MPG: variants seen among roughly 807,000 people sequenced by gnomAD.
MPG encodes N-methylpurine DNA glycosylase.
A neutral mutation model predicts 31.7 loss-of-function variants in MPG; 33 were observed. That is an observed-to-expected ratio of 1.04 (90% CI 0.79 to 1.39). The LOEUF is 1.39. Among genes scored for constraint, MPG ranks in the 40% most tolerant of loss-of-function variants. The probability of loss-of-function intolerance (pLI) is 0.00; values close to 1 mark genes in which losing one functional copy is unlikely to be tolerated. For missense variants in MPG, 455 were observed against 415.5 expected (o/e 1.10, Z -0.83); for synonymous variants, 202 against 169.2 (o/e 1.19, Z -1.51).
intron 1 of MPG, chr16:79,089 G>A: frequency 6.9e-7 from 1 of 1,444,440 alleles, no homozygotes; most frequent in South Asian, 1.5e-5. Flanking sequence ...GTGGGAATCG[G>A]AGGGCACCAG....
At chr16:81,383 C>T (rs374814899) in intron 2 of MPG, among the ~76,000 whole-genome samples, 4 of 152,188 alleles carry the variant, frequency 2.6e-5, no homozygotes, top group Non-Finnish European at 2.9e-5. Flanking sequence ...TGGGCCCCCC[C>T]AGTGTGCCCC....
At position 81,855 on chromosome 16, in the gene MPG, G is replaced by A. The variant is rs868207523; in HGVS notation, c.301-1197G>A. Among the ~76,000 whole-genome samples the A allele has an allele frequency of 1.3e-3, 50 of 39,036 alleles. 1 individual carries two copies. The highest frequency in any genetic ancestry group is 2.7e-3 in the African/African-American group (37 of 13,804). The allele number at this position is 39,036 out of a possible 152,430, so 25.6% of individuals were successfully genotyped here. A position where few individuals can be genotyped will look rare whatever the true frequency, so the allele number is the denominator to read the frequency against. ...CGGGAAGGCCTCCTGAATGCTCCCGGCGCTGACCCCTTCTTCCCACCACCC... is the reference window on the plus strand; with the variant it reads ...CGGGAAGGCCTCCTGAATGCTCCCGACGCTGACCCCTTCTTCCCACCACCC... On this transcript the variant is annotated intron_variant, in intron 2 of 3. Coordinates refer to ENST00000356432, the MANE Select transcript of MPG (RefSeq NM_001015052.3).
At chr16:84,774 AG>A (rs1461212915) in intron 3 of MPG, among the ~76,000 whole-genome samples, 3 of 152,176 alleles carry the variant, frequency 2.0e-5, no homozygotes, top group African/African-American at 7.2e-5. Context: ...CTGCCTGTGC[AG>A]GGTGTTGCAG....
intron 2 of MPG, among the ~76,000 whole-genome samples, chr16:81,594 C>A (rs1898237619): frequency 6.6e-6 from 1 of 150,580 alleles, no homozygotes; most frequent in Admixed American, 6.6e-5. Flanking sequence ...TTCCCACCAC[C>A]CTATCTCCAG....
At chr16:80,261 G>A (rs1025934630) in intron 2 of MPG, among the ~76,000 whole-genome samples, 5 of 152,224 alleles carry the variant, frequency 3.3e-5, no homozygotes, top group Admixed American at 6.5e-5. Context: ...GGATCTGTTG[G>A]GAGCGAGGTG....
chr16:78,110 A>C, upstream of MPG: 8 of 332,948 alleles, frequency 2.4e-5, no homozygotes, highest in Non-Finnish European at 3.2e-5. Context: ...GGCGCTGGGA[A>C]GAGGATCCAC....
intron 2 of MPG, among the ~76,000 whole-genome samples, chr16:82,250 C>CCCCACACTGA (rs1478071925): frequency 1.3e-5 from 2 of 152,022 alleles, no homozygotes; most frequent in Non-Finnish European, 1.5e-5. Context: ...CCTGAATGCT[C>CCCCACACTGA]CCCCGGCGAG....
chr16:85,364 C>G, intron 3 of MPG, 37 bp from the exon 4 acceptor site: 1 of 1,561,580 alleles, frequency 6.4e-7, no homozygotes, highest in Non-Finnish European at 8.7e-7. Flanking sequence ...GGACAGGAGC[C>G]TAGGGAGGCT....
At chr16:79,007 C>G in intron 1 of MPG, 2 of 1,401,902 alleles carry the variant, frequency 1.4e-6, no homozygotes, top group Non-Finnish European at 1.9e-6. Flanking sequence ...GTTTTGAATT[C>G]TGGCAAGGGT....
upstream of MPG, chr16:77,988 G>A (rs547276035): frequency 4.3e-5 from 10 of 234,398 alleles, no homozygotes; most frequent in Non-Finnish European, 8.3e-5. Flanking sequence ...CAGCTCATTG[G>A]GAGGGGCGCC....
chr16:79,078 A>T, intron 1 of MPG: 1 of 1,439,108 alleles, frequency 6.9e-7, no homozygotes, highest in East Asian at 2.5e-5. Context: ...CTGCATGATG[A>T]GTGGGAATCG....
At position 78,421 on chromosome 16, in the gene MPG, G is replaced by A. The variant is rs1898150260; in HGVS notation, c.24+88G>A. ...CGCGGCCGCGGGAGCGGGAGTGCCG[G>A]GGACGGGCGTAGCGCCCACCGCCCC... On this transcript the variant is annotated intron_variant, in intron 1 of 3. Transcript: ENST00000356432. The A allele has an allele frequency of 3.7e-6, 4 of 1,084,684 alleles. No homozygotes were observed. The South Asian group carries it at 1.3e-4, about 37-fold the overall frequency. The allele number at this position is 1,084,684 out of a possible 1,614,324, so 67.2% of individuals were successfully genotyped here. A position where few individuals can be genotyped will look rare whatever the true frequency, so the allele number is the denominator to read the frequency against.
rs776444790 is a variant in MPG at position 79,245 on chromosome 16, G to C, written c.25-180G>C. 1.1e-5 allele frequency: 17 copies of C among 1,552,748 alleles called. No homozygotes were observed. In the South Asian group the frequency reaches 1.2e-4, roughly 11 times the overall value. ...CCATCGTCAGACGTGATCATTTCCT[G>C]AGGCCTCGAGTGTGTCAGGGTGTTT... is the stretch of plus-strand genomic sequence containing the variant. On this transcript the variant is annotated intron_variant, in intron 1 of 3. Coordinates refer to ENST00000356432, the MANE Select transcript of MPG (RefSeq NM_001015052.3).
intron 2 of MPG, among the ~76,000 whole-genome samples, chr16:80,160 A>C (rs1455479757): frequency 6.6e-6 from 1 of 152,196 alleles, no homozygotes; most frequent in Non-Finnish European, 1.5e-5. Flanking sequence ...TTGGAGTAAG[A>C]AGCAGGGACT....
At chr16:79,735 G>C (rs1898191821) in intron 2 of MPG, 35 bp downstream of exon 2, 1 of 1,528,096 alleles carries the variant, frequency 6.5e-7, no homozygotes, top group Admixed American at 2.0e-5. Context: ...CCCTCCTGAA[G>C]TGCCTGTCAC....
intron 1 of MPG, chr16:79,167 C>T (rs1898170175): frequency 2.0e-6 from 3 of 1,530,854 alleles, no homozygotes; most frequent in South Asian, 2.4e-5. Flanking sequence ...CCATGCCGTG[C>T]AGCTCGCACA....
chr16:82,308 G>C (rs1437306697), intron 2 of MPG, among the ~76,000 whole-genome samples: 10 of 152,186 alleles, frequency 6.6e-5, no homozygotes. Context: ...TACTGACCAT[G>C]GCCTTTGGCA....
intron 1 of MPG, among the ~76,000 whole-genome samples, chr16:78,894 T>C (rs1314151829): frequency 1.3e-5 from 2 of 152,216 alleles, no homozygotes; most frequent in African/African-American, 4.8e-5. Context: ...TTATCCAGCC[T>C]GGGCCATGAA....
chr16:78,189 C>G, upstream of MPG: 3 of 947,144 alleles, frequency 3.2e-6, no homozygotes, highest in Admixed American at 4.6e-5. Flanking sequence ...CTTCTCCCGG[C>G]TTCCGTCCCC....
Sources: allele counts gnomAD v4.1 joint callset (sites outside exome capture counted in the v4.1 genomes callset), GRCh38; gene constraint gnomAD v4.1.1; transcripts MANE v1.5; gene names NCBI Gene and HGNC (gene_info 2026-07-23, HGNC 2026-07-21).